Variants in SLC10A2 observed in about 807,000 individuals in gnomAD.
SLC10A2 encodes solute carrier family 10 member 2, also known as ileal sodium/bile acid cotransporter.
SLC10A2 carries 34 observed loss-of-function variants against 27.1 expected under a neutral mutation model. The observed-to-expected ratio is 1.26, with a 90% confidence interval of 0.96 to 1.67. The LOEUF (loss-of-function observed/expected upper bound fraction) is 1.67, where lower values mean the gene tolerates loss of function less well. SLC10A2 is among the 40% of genes most tolerant of loss of function. The pLI is 0.00. For synonymous variants in SLC10A2, 205 were observed against 174.0 expected (o/e 1.18, Z -1.40); for missense variants, 530 against 444.4 (o/e 1.19, Z -1.73).
intron 1 of SLC10A2, among the ~76,000 whole-genome samples, chr13:103,061,099 A>G (rs1404918873): frequency 6.6e-6 from 1 of 152,204 alleles, no homozygotes; most frequent in Non-Finnish European, 1.5e-5. Flanking sequence ...TTGTTTTAGT[A>G]GAGCTAAAAT....
Position 103,049,591 on chromosome 13 carries a change from C to T in SLC10A2, c.762-145G>A, listed in dbSNP as rs573691056. On this transcript the variant is annotated intron_variant, in intron 4 of 5. Coordinates refer to ENST00000245312, the MANE Select transcript of SLC10A2 (RefSeq NM_000452.3). ...TAAGATAGGCTTATTCAATATATAA[C>T]TTTCTATGGAATAAGTGTAATACTT... 2.1e-5 allele frequency: 16 copies of T among 753,840 alleles called. No homozygotes were observed. The East Asian group carries it at 4.7e-4, about 22-fold the overall frequency. The allele number at this position is 753,840 out of a possible 1,614,324, so 46.7% of individuals were successfully genotyped here.
intron 1 of SLC10A2, among the ~76,000 whole-genome samples, chr13:103,065,302 A>G (rs1429761352): frequency 1.3e-5 from 2 of 152,224 alleles, no homozygotes; most frequent in Non-Finnish European, 2.9e-5. Flanking sequence ...ATTTTAAAAA[A>G]GCTGCTATAG....
chr13:103,046,055 C>T lies in SLC10A2; in HGVS notation c.*78G>A, dbSNP rs1875599545. On this transcript the variant is annotated 3_prime_UTR_variant, in exon 6 of 6. Transcript: ENST00000245312. ...ACTTTAACTCTTTTCTGCCAACTGT[C>T]CTACCAAAACAAATAATTAAATATA... 6.5e-7 allele frequency: 1 copy of T among 1,548,398 alleles called. No individual in the cohort carries two copies. Among genetic ancestry groups the T allele is most frequent in the Non-Finnish European group, 8.9e-7 (1 of 1,123,278 alleles).
At chr13:103,051,809 T>C (rs1160537062) in intron 3 of SLC10A2, among the ~76,000 whole-genome samples, 1 of 152,228 alleles carries the variant, frequency 6.6e-6, no homozygotes, top group Non-Finnish European at 1.5e-5. Flanking sequence ...TTCTGAACTG[T>C]AGTTTCTTTA....
At chr13:103,063,208 A>AT (rs57664561) in intron 1 of SLC10A2, among the ~76,000 whole-genome samples, 8,652 of 149,996 alleles carry the variant, frequency 0.058, 308 homozygotes, top group African/African-American at 0.098. Context: ...ACTATTGTCT[A>AT]TTTTTTTTTT....
intron 1 of SLC10A2, 35 bp downstream of exon 1, chr13:103,065,838 G>A (rs1306369226): frequency 2.5e-6 from 4 of 1,610,086 alleles, no homozygotes; most frequent in Non-Finnish European, 3.4e-6. Flanking sequence ...TTACTCCAAG[G>A]TGATTGCAGT....
chr13:103,062,916 A>C (rs1170265545), intron 1 of SLC10A2, among the ~76,000 whole-genome samples: 1 of 152,234 alleles, frequency 6.6e-6, no homozygotes. Flanking sequence ...GAGGCCATTA[A>C]GAAGGATGAA....
At chr13:103,048,679 G>A (rs1328150974) in intron 5 of SLC10A2, among the ~76,000 whole-genome samples, 4 of 152,182 alleles carry the variant, frequency 2.6e-5, no homozygotes, top group Admixed American at 2.6e-4. Context: ...CCAGTGGGCG[G>A]TGGGGCCTGA....
chr13:103,055,642 A>G (rs1042784695), intron 2 of SLC10A2, among the ~76,000 whole-genome samples: 2 of 152,250 alleles, frequency 1.3e-5, no homozygotes, highest in African/African-American at 4.8e-5. Context: ...ATCTGTAGAA[A>G]GTAAAAAGTT....
chr13:103,049,477 T>C (rs1440493853), intron 4 of SLC10A2, 31 bp from the exon 5 acceptor site: 1 of 1,612,624 alleles, frequency 6.2e-7, no homozygotes, highest in Non-Finnish European at 8.5e-7. Flanking sequence ...GCACATGTTT[T>C]AGTAGTTTTG....
chr13:103,054,652 C>T (rs572798011), intron 2 of SLC10A2, among the ~76,000 whole-genome samples: 2 of 152,284 alleles, frequency 1.3e-5, no homozygotes, highest in African/African-American at 4.8e-5. Flanking sequence ...AACACATAAG[C>T]AGCACCACCT....
intron 5 of SLC10A2, 26 bp downstream of exon 5, chr13:103,049,263 G>A (rs771874382): frequency 1.2e-6 from 2 of 1,612,022 alleles, no homozygotes; most frequent in East Asian, 2.2e-5. Flanking sequence ...AGATTATCAT[G>A]AAATGGGATT....
intron 5 of SLC10A2, among the ~76,000 whole-genome samples, chr13:103,047,021 T>C (rs1012403311): frequency 6.6e-6 from 1 of 152,232 alleles, no homozygotes; most frequent in African/African-American, 2.4e-5. Flanking sequence ...ATCTGATTTT[T>C]CTTCTACTTC....
At chr13:103,061,240 G>T (rs1283798075) in intron 1 of SLC10A2, among the ~76,000 whole-genome samples, 1 of 152,152 alleles carries the variant, frequency 6.6e-6, no homozygotes, top group Non-Finnish European at 1.5e-5. Context: ...AAGTTAATTT[G>T]TTATTAATAG....
intron 2 of SLC10A2, among the ~76,000 whole-genome samples, chr13:103,055,795 G>A (rs1875920197): frequency 6.6e-6 from 1 of 152,128 alleles, no homozygotes; most frequent in Non-Finnish European, 1.5e-5. Context: ...ATTCTATGTA[G>A]CTGTTAGATA....
chr13:103,051,154 T>C, intron 4 of SLC10A2, 103 bp downstream of exon 4: 1 of 1,140,936 alleles, frequency 8.8e-7, no homozygotes, highest in Admixed American at 1.7e-5. Flanking sequence ...TGTCTGTTGT[T>C]TAAGCCACTC....
intron 2 of SLC10A2, among the ~76,000 whole-genome samples, chr13:103,057,681 C>T (rs1388150218): frequency 6.6e-6 from 1 of 152,014 alleles, no homozygotes; most frequent in Non-Finnish European, 1.5e-5. Context: ...GAGTTTGAGA[C>T]CAGCCTGACC....
At chr13:103,048,467 C>G (rs1875677453) in intron 5 of SLC10A2, among the ~76,000 whole-genome samples, 1 of 149,600 alleles carries the variant, frequency 6.7e-6, no homozygotes, top group Non-Finnish European at 1.5e-5. Flanking sequence ...CCAAACAAAA[C>G]CAAACTATAT....
chr13:103,050,566 C>T (rs1875748565), intron 4 of SLC10A2, among the ~76,000 whole-genome samples: 1 of 152,190 alleles, frequency 6.6e-6, no homozygotes, highest in Non-Finnish European at 1.5e-5. Context: ...CAACTGCTTT[C>T]ATTAATGTCA....
Sources: gnomAD v4.1 joint callset for allele counts (sites outside exome capture counted in the v4.1 genomes callset) on GRCh38, gnomAD v4.1.1 for gene constraint, MANE v1.5 for transcripts, NCBI Gene and HGNC (gene_info 2026-07-23, HGNC 2026-07-21) for gene names.